The following SBNO1 variants were observed in gnomAD, a reference collection of about 807,000 sequenced individuals.
SBNO1 encodes the protein strawberry notch homolog 1, also known as protein strawberry notch homolog 1.
SBNO1 carries 23 observed loss-of-function variants against 173.6 expected under a neutral mutation model. The observed-to-expected ratio is 0.13, with a 90% CI of 0.10 to 0.19. SBNO1 has a LOEUF of 0.19. SBNO1 is among the 10% of genes least tolerant of loss of function. The pLI is 1.00. For missense variants in SBNO1, 1,238 were observed against 1,671.2 expected (o/e 0.74, Z 4.52); for synonymous variants, 632 against 571.5 (o/e 1.11, Z -1.51).
chr12:123,348,736 G>A (rs1209286355), intron 2 of SBNO1, among the ~76,000 whole-genome samples: 1 of 151,872 alleles, frequency 6.6e-6, no homozygotes, highest in Non-Finnish European at 1.5e-5. Context: ...ACTGCACTCT[G>A]GACTGGGTGA....
At chr12:123,312,154 A>G (rs1458344043) in intron 24 of SBNO1, among the ~76,000 whole-genome samples, 1 of 149,514 alleles carries the variant, frequency 6.7e-6, no homozygotes, top group African/African-American at 2.5e-5. Context: ...AGCTCACTAC[A>G]GCCTCCACCT....
intron 15 of SBNO1, among the ~76,000 whole-genome samples, chr12:123,324,931 C>T (rs1035639934): frequency 6.6e-6 from 1 of 152,024 alleles, no homozygotes; most frequent in Non-Finnish European, 1.5e-5. Context: ...GCCTCAGCCT[C>T]CCAGGTAGGT....
chr12:123,314,098 A>C (rs572495219), intron 23 of SBNO1, among the ~76,000 whole-genome samples: 1 of 152,244 alleles, frequency 6.6e-6, no homozygotes, highest in Non-Finnish European at 1.5e-5. Context: ...ACAAAACCCC[A>C]AAAAACCCAC....
In SBNO1 at chr12:123,293,963, T is replaced by TA. The variant is rs1163264043; in HGVS notation, c.*1944dup. 3.3e-5 allele frequency: 5 copies of TA among 152,336 alleles called. No homozygotes were observed. In the Middle Eastern group the frequency reaches 0.01, roughly 311 times the overall value. The allele number at this position is 152,336 out of a possible 1,614,324, so 9.4% of individuals were successfully genotyped here. The stretch of plus-strand genomic sequence containing the variant: ...GCTGATGGAAGCTGCCTACTGCTTT[T>TA]AAAAACACACACATGAGCTGAGAAG... On this transcript the variant is annotated 3_prime_UTR_variant, in exon 32 of 32. Coordinates refer to ENST00000602398, the MANE Select transcript of SBNO1 (RefSeq NM_001167856.3).
At chr12:123,347,191 A>G (rs915855102) in intron 3 of SBNO1, among the ~76,000 whole-genome samples, 4 of 152,014 alleles carry the variant, frequency 2.6e-5, no homozygotes, top group Admixed American at 6.6e-5. Flanking sequence ...ACTATTTCAC[A>G]CTAAAAAGTT....
At chr12:123,360,699 C>G (rs1437845524) in intron 1 of SBNO1, among the ~76,000 whole-genome samples, 1 of 151,924 alleles carries the variant, frequency 6.6e-6, no homozygotes, top group Non-Finnish European at 1.5e-5. Context: ...AGCCTCGGCC[C>G]CCTCAAAGTG....
rs1341640884 is a variant in SBNO1, at chr12:123,329,468, GAAT to G, written c.1135-576_1135-574del. Reference sequence around the variant, plus strand: ...AAAAACCAGACAAACTTCCCTATAAGAATAAAAAGTCACAATTTACAAACATTT... The same window carrying G: ...AAAAACCAGACAAACTTCCCTATAAGAAAAAGTCACAATTTACAAACATTT... On this transcript the variant is annotated intron_variant, in intron 9 of 31. Coordinates refer to ENST00000602398, the MANE Select transcript of SBNO1 (RefSeq NM_001167856.3). 4.1e-5 allele frequency among the ~76,000 whole-genome samples: 6 copies of G among 145,452 alleles called. No individual in the cohort carries two copies. The Admixed American group carries it at 4.2e-4, about 10-fold the overall frequency.
At chr12:123,343,889 A>C (rs887970357) in intron 4 of SBNO1, among the ~76,000 whole-genome samples, 1 of 152,100 alleles carries the variant, frequency 6.6e-6, no homozygotes, top group African/African-American at 2.4e-5. Context: ...GCTTCCATAC[A>C]TGGATAGTCT....
chr12:123,307,699 G>C (rs1270072219), intron 28 of SBNO1, among the ~76,000 whole-genome samples: 1 of 152,234 alleles, frequency 6.6e-6, no homozygotes, highest in East Asian at 1.9e-4. Flanking sequence ...GCAGAGGTGG[G>C]AGGATCACTT....
intron 23 of SBNO1, 46 bp downstream of exon 23, chr12:123,315,327 C>G (rs1332572864): frequency 1.4e-6 from 2 of 1,422,058 alleles, no homozygotes; most frequent in Non-Finnish European, 2.0e-6. Context: ...CGAAAGACAC[C>G]ATACACTATC....
intron 5 of SBNO1, among the ~76,000 whole-genome samples, chr12:123,337,446 A>G (rs1401809827): frequency 6.6e-6 from 1 of 152,216 alleles, no homozygotes; most frequent in Non-Finnish European, 1.5e-5. Flanking sequence ...GTTAAGGCAA[A>G]TTAAGGCAAG....
chr12:123,352,898 A>C (rs1874049761), intron 1 of SBNO1, among the ~76,000 whole-genome samples: 2 of 152,160 alleles, frequency 1.3e-5, no homozygotes, highest in Non-Finnish European at 2.9e-5. Flanking sequence ...TCCAGGTTCA[A>C]GAAATTCTCC....
At chr12:123,315,034 C>G (rs1022933714) in intron 23 of SBNO1, among the ~76,000 whole-genome samples, 10 of 152,032 alleles carry the variant, frequency 6.6e-5, no homozygotes, top group African/African-American at 2.4e-4. Flanking sequence ...TGAGCCACAG[C>G]GCCTGGCCTT....
intron 9 of SBNO1, among the ~76,000 whole-genome samples, chr12:123,330,059 G>C (rs1329884381): frequency 1.3e-5 from 2 of 152,122 alleles, no homozygotes; most frequent in African/African-American, 4.8e-5. Flanking sequence ...TATAGTGCAA[G>C]GTATGCCACC....
At chr12:123,336,939 C>T (rs1035800309) in intron 5 of SBNO1, among the ~76,000 whole-genome samples, 1 of 152,206 alleles carries the variant, frequency 6.6e-6, no homozygotes. Flanking sequence ...TGCATCACCA[C>T]AAGCAAGGCC....
chr12:123,352,308 G>T (rs1356948605), intron 1 of SBNO1, among the ~76,000 whole-genome samples: 2 of 152,188 alleles, frequency 1.3e-5, no homozygotes, highest in Non-Finnish European at 2.9e-5. Context: ...AATGGCATTA[G>T]CCAAGAGTAC....
intron 13 of SBNO1, 31 bp downstream of exon 13, chr12:123,327,395 T>C (rs560688693): frequency 6.3e-7 from 1 of 1,580,646 alleles, no homozygotes; most frequent in Non-Finnish European, 8.7e-7. Flanking sequence ...ATACATTAAA[T>C]AAACACTAGG....
At chr12:123,361,271 G>A (rs562944494) in intron 1 of SBNO1, among the ~76,000 whole-genome samples, 6 of 151,138 alleles carry the variant, frequency 4.0e-5, no homozygotes, top group African/African-American at 1.5e-4. Flanking sequence ...AAAGAAGGCT[G>A]GGCATGGTGG....
At chr12:123,348,199 G>A (rs10846523) in intron 2 of SBNO1, 66 bp from the exon 3 acceptor site, 806,210 of 846,928 alleles carry the variant, frequency 0.95, 384,555 homozygotes, top group Non-Finnish European at 0.96. Flanking sequence ...CAAGGACAAG[G>A]TTTGCATTTA....
Sources: gnomAD v4.1 joint callset for allele counts (sites outside exome capture counted in the v4.1 genomes callset) on GRCh38, gnomAD v4.1.1 for gene constraint, MANE v1.5 for transcripts, NCBI Gene and HGNC (gene_info 2026-07-23, HGNC 2026-07-21) for gene names.